SEMA5A: variants seen among roughly 807,000 people sequenced by gnomAD.
The protein encoded by SEMA5A is semaphorin-5A.
In SEMA5A, 55 loss-of-function variants were observed where a neutral mutation model predicts 135.5. The ratio of observed to expected loss-of-function variants is 0.41; its 90% CI spans 0.33 to 0.51. SEMA5A has a LOEUF of 0.51. SEMA5A is among the 20% of genes least tolerant of loss of function. SEMA5A has a pLI of 0.37. For synonymous variants in SEMA5A, 580 were observed against 546.5 expected (o/e 1.06, Z -0.85); for missense variants, 1,290 against 1,419.9 (o/e 0.91, Z 1.47).
At position 9,204,193 on chromosome 5, in the gene SEMA5A, C is replaced by T. The variant is rs1745882359; in HGVS notation, c.647-1953G>A. 6.6e-6 allele frequency among the ~76,000 whole-genome samples: 1 copy of T among 152,106 alleles called. No homozygotes were observed. On this transcript the variant is annotated intron_variant, in intron 8 of 22. Transcript: ENST00000382496. The surrounding 1 kb of genome is among the most constrained non-coding windows in gnomAD (Gnocchi z 6.4). ...TAGAGTTTGGGAATTGTACTAAAAA[C>T]AAACAACAACAACAAAAACAGCAAC...
At chr5:9,175,396 TG>T (rs1337717186) in intron 11 of SEMA5A, among the ~76,000 whole-genome samples, 3 of 152,034 alleles carry the variant, frequency 2.0e-5, no homozygotes, top group Non-Finnish European at 4.4e-5. Context: ...CCCATCCCAT[TG>T]GCAGTACAAA....
chr5:9,291,657 A>G (rs1199549480), intron 5 of SEMA5A, among the ~76,000 whole-genome samples: 1 of 152,070 alleles, frequency 6.6e-6, no homozygotes, highest in East Asian at 1.9e-4. Context: ...GAGCAATGGC[A>G]TGCAGTCCCT....
intron 12 of SEMA5A, among the ~76,000 whole-genome samples, chr5:9,146,278 G>A (rs1025306662): frequency 3.3e-5 from 5 of 151,966 alleles, no homozygotes; most frequent in Non-Finnish European, 5.9e-5. Flanking sequence ...ACAAAAACTC[G>A]GTGCATTTAC....
intron 2 of SEMA5A, among the ~76,000 whole-genome samples, chr5:9,418,355 C>G (rs553119951): frequency 2.0e-5 from 3 of 152,278 alleles, no homozygotes; most frequent in African/African-American, 7.2e-5. Context: ...AAAGGTCCAC[C>G]TTATAATACT....
chr5:9,123,081 C>T (rs1460170963), intron 13 of SEMA5A, among the ~76,000 whole-genome samples: 1 of 151,134 alleles, frequency 6.6e-6, no homozygotes, highest in African/African-American at 2.4e-5. Context: ...GGTGAAACCC[C>T]GTCTCCACTA....
In SEMA5A at chr5:9,066,513, C is replaced by A; in HGVS notation, c.2207G>T (p.Arg736Leu). Residue 736 changes from arginine (R) to leucine (L), a missense_variant, in exon 17 of 23, where the codon CGC (arginine) becomes CTC (leucine). Coordinates refer to ENST00000382496, the MANE Select transcript of SEMA5A (RefSeq NM_003966.3). ...EQRFRYTCKA[R>L]LADPNLLEVG... ...TTCCAGCAAATTCGGATCAGCCAGG[C>A]GGGCTTTGCATGTGTATCGGAATCG... The A allele has an allele frequency of 6.2e-7, 1 of 1,614,072 alleles. No individual in the cohort carries two copies. Among genetic ancestry groups the A allele is most frequent in the Non-Finnish European group, 8.5e-7 (1 of 1,180,002 alleles).
At chr5:9,105,575 TA>T (rs1481622261) in intron 16 of SEMA5A, among the ~76,000 whole-genome samples, 2 of 152,038 alleles carry the variant, frequency 1.3e-5, no homozygotes, top group Non-Finnish European at 2.9e-5. Flanking sequence ...GGATAACAAT[TA>T]AAGAAATGAG....
rs1752146109 is a variant in SEMA5A, at chr5:9,311,731, C to A, written c.270+6641G>T. 2.0e-5 allele frequency among the ~76,000 whole-genome samples: 3 copies of A among 151,790 alleles called. No individual in the cohort carries two copies. The South Asian group carries it at 6.3e-4, about 32-fold the overall frequency. ...CACATTGTGCCCATGTACCCTAAAACTTAAAGTATAATGATAATAAAATAA... is the reference window on the plus strand; with the variant it reads ...CACATTGTGCCCATGTACCCTAAAAATTAAAGTATAATGATAATAAAATAA... On this transcript the variant is annotated intron_variant, in intron 5 of 22. Coordinates refer to ENST00000382496, the MANE Select transcript of SEMA5A (RefSeq NM_003966.3).
chr5:9,131,072 G>A (rs1741384899), intron 13 of SEMA5A, among the ~76,000 whole-genome samples: 1 of 152,116 alleles, frequency 6.6e-6, no homozygotes, highest in Non-Finnish European at 1.5e-5. Flanking sequence ...TTTGCTCCTT[G>A]TATTTTGTTA....
intron 15 of SEMA5A, among the ~76,000 whole-genome samples, chr5:9,118,473 C>T (rs1156968154): frequency 6.6e-6 from 1 of 152,108 alleles, no homozygotes; most frequent in African/African-American, 2.4e-5. Context: ...GCTCAAAATA[C>T]ACGTGGAAAA....
chr5:9,296,876 A>G (rs1751358085), intron 5 of SEMA5A, among the ~76,000 whole-genome samples: 2 of 145,610 alleles, frequency 1.4e-5, no homozygotes, highest in African/African-American at 5.1e-5. Context: ...CCTACAGGTG[A>G]GACATTATGC....
chr5:9,384,696 A>ATAGATAGATAGT (rs1432077340), intron 2 of SEMA5A, among the ~76,000 whole-genome samples: 1 of 140,654 alleles, frequency 7.1e-6, no homozygotes, highest in East Asian at 2.1e-4. Flanking sequence ...AGATAGATAG[A>ATAGATAGATAGT]TAGATAGATA....
chr5:9,122,902 A>C (rs1740892567), intron 13 of SEMA5A, 65 bp from the exon 14 acceptor site: 3 of 1,366,422 alleles, frequency 2.2e-6, no homozygotes, highest in South Asian at 3.1e-5. Flanking sequence ...TGGAGTAAAA[A>C]TTAAAAATCC....
chr5:9,091,471 G>C (rs1739030932), intron 16 of SEMA5A, among the ~76,000 whole-genome samples: 1 of 152,162 alleles, frequency 6.6e-6, no homozygotes, highest in African/African-American at 2.4e-5. Context: ...ATGTGCACCC[G>C]AGGAGAAGCC....
chr5:9,322,036 G>C (rs1752651412), intron 4 of SEMA5A, among the ~76,000 whole-genome samples: 1 of 152,170 alleles, frequency 6.6e-6, no homozygotes, highest in South Asian at 2.1e-4. Flanking sequence ...TGTCTACTTG[G>C]AGAGGGGAGT....
intron 1 of SEMA5A, among the ~76,000 whole-genome samples, chr5:9,501,581 C>T (rs1040264558): frequency 6.6e-6 from 1 of 152,152 alleles, no homozygotes; most frequent in Non-Finnish European, 1.5e-5. Flanking sequence ...TTAGCCATAT[C>T]CCTTCCCCTA....
At chr5:9,055,987 C>G (rs1040771177) in intron 18 of SEMA5A, among the ~76,000 whole-genome samples, 9 of 151,890 alleles carry the variant, frequency 5.9e-5, no homozygotes, top group Non-Finnish European at 1.2e-4. Flanking sequence ...CAGTGAGTAC[C>G]CTTGCATGCC....
intron 3 of SEMA5A, among the ~76,000 whole-genome samples, chr5:9,353,105 A>AGGAAAGGAAAGGAAAGGAAAG (rs1561176791): frequency 5.0e-4 from 17 of 34,178 alleles, no homozygotes; most frequent in Non-Finnish European, 7.1e-4. Context: ...AAGGAAGGAA[A>AGGAAAGGAAAGGAAAGGAAAG]GGAAAGGAAA....
chr5:9,047,574 G>A (rs1736338080), intron 21 of SEMA5A, among the ~76,000 whole-genome samples: 1 of 152,056 alleles, frequency 6.6e-6, no homozygotes, highest in African/African-American at 2.4e-5. Flanking sequence ...CAGTAAAGAT[G>A]GAATACAGAC....
Sources: allele counts gnomAD v4.1 joint callset (sites outside exome capture counted in the v4.1 genomes callset), GRCh38; gene constraint gnomAD v4.1.1; non-coding constraint Gnocchi (gnomAD v3.1); transcripts MANE v1.5; gene names NCBI Gene and HGNC (gene_info 2026-07-23, HGNC 2026-07-21).